The following EML6 variants were observed in gnomAD, a reference collection of about 807,000 sequenced individuals.
EML6 encodes the protein EMAP like 6.
EML6 carries 154 observed loss-of-function variants against 240.1 expected under a neutral mutation model. The ratio of observed to expected loss-of-function variants is 0.64; its 90% CI spans 0.56 to 0.73. The LOEUF (loss-of-function observed/expected upper bound fraction) is 0.73, where lower values mean the gene tolerates loss of function less well. Ranked by LOEUF, EML6 falls within the 30% of genes least tolerant of loss-of-function variation. EML6 has a pLI of 0.00. For missense variants in EML6, 2,964 were observed against 2,474.6 expected (o/e 1.20, Z -4.20); for synonymous variants, 1,148 against 899.0 (o/e 1.28, Z -4.95).
At chr2:54,959,750 G>A (rs1025848768) in intron 34 of EML6, among the ~76,000 whole-genome samples, 1 of 152,106 alleles carries the variant, frequency 6.6e-6, no homozygotes, top group Non-Finnish European at 1.5e-5. Context: ...CGACAAGAGT[G>A]AAACTCCATC....
intron 4 of EML6, among the ~76,000 whole-genome samples, chr2:54,818,017 C>T (rs147933069): frequency 6.4e-4 from 60 of 93,742 alleles, no homozygotes; most frequent in African/African-American, 1.6e-3. Context: ...GGGGAGACTT[C>T]ACGGCATATA....
In EML6 at chr2:54,813,342, A is replaced by T. The variant is rs565864678; in HGVS notation, c.308A>T (p.Asp103Val). The T allele has an allele frequency of 1.3e-6, 2 of 1,551,738 alleles. No individual in the cohort carries two copies. The highest frequency in any genetic ancestry group is 4.9e-5 in the East Asian group (2 of 40,920). ...GTCCAGACTGTGTCTCTTCTTAAAG[A>T]TGTCCATACACATGGAGTTGCCTGC... ...YNVQTVSLLK[D>V]VHTHGVACLA... The change falls in exon 3 of 42, where the codon GAT becomes GTT. Residue 103 changes from aspartate to valine, a missense_variant. By Grantham distance (152) the Asp-to-Val change is radical. Transcript: ENST00000356458.
chr2:54,789,281 A>G (rs1669263830), intron 2 of EML6, among the ~76,000 whole-genome samples: 1 of 152,094 alleles, frequency 6.6e-6, no homozygotes, highest in Admixed American at 6.6e-5. Context: ...TGGGAGGCCA[A>G]GGCGGGCGGA....
Position 54,829,489 on chromosome 2 carries a change from G to A in EML6, c.847+12G>A. 4.5e-6 allele frequency: 7 copies of A among 1,544,808 alleles called. No homozygotes were observed. The highest frequency in any genetic ancestry group is 6.1e-6 in the Non-Finnish European group (7 of 1,141,460). ...ACAAGGATACAAAGGTAATATATGT[G>A]TTAAGCTTACCTGTAACTCTGGATG... On this transcript the variant is annotated intron_variant, in intron 7 of 41. Coordinates refer to ENST00000356458, the MANE Select transcript of EML6 (RefSeq NM_001039753.4).
chr2:54,876,392 A>G (rs1330640067), intron 16 of EML6, among the ~76,000 whole-genome samples: 3 of 152,178 alleles, frequency 2.0e-5, no homozygotes, highest in African/African-American at 4.8e-5. Context: ...TGCTGCTTCC[A>G]TTGCTACCCA....
At position 54,960,320 on chromosome 2, in the gene EML6, G is replaced by A. The variant is rs1195694048; in HGVS notation, c.4954G>A (p.Val1652Met). ...TGQLVECVRS[V>M]CRGKGKILVG... ...GCAGCTGGTGGAGTGTGTGCGCTCC[G>A]TGTGCCGTGGAAAAGTGAGCACAGC... Residue 1652 changes from valine (V) to methionine (M), a missense_variant, in exon 35 of 42, where the codon GTG (valine) becomes ATG (methionine). Val to Met is a conservative substitution (Grantham distance 21, BLOSUM62 1). Coordinates refer to ENST00000356458, the MANE Select transcript of EML6 (RefSeq NM_001039753.4). 21 of 1,549,672 alleles carry A rather than the reference G, an allele frequency of 1.4e-5. No individual in the cohort carries two copies. Among genetic ancestry groups the A allele is most frequent in the East Asian group, 2.4e-5 (1 of 40,918 alleles).
chr2:54,859,812 A>T (rs1482836223), intron 12 of EML6, 111 bp downstream of exon 12: 3 of 822,454 alleles, frequency 3.6e-6, no homozygotes, highest in African/African-American at 3.6e-5. Context: ...TGGAAAATTG[A>T]TTCCTGTAAT....
intron 39 of EML6, 73 bp from the exon 40 acceptor site, chr2:54,968,055 G>C: frequency 7.2e-7 from 1 of 1,396,494 alleles, no homozygotes. Context: ...TTATCCCTGG[G>C]AGGTGATGAC....
intron 16 of EML6, among the ~76,000 whole-genome samples, chr2:54,873,561 T>TAA (rs1671363340): frequency 6.6e-6 from 1 of 151,778 alleles, no homozygotes; most frequent in Non-Finnish European, 1.5e-5. Flanking sequence ...TTAGTTCAAA[T>TAA]ACGATTGTAT....
chr2:54,837,331 T>C (rs1285276261), intron 7 of EML6, among the ~76,000 whole-genome samples: 1 of 152,202 alleles, frequency 6.6e-6, no homozygotes, highest in African/African-American at 2.4e-5. Context: ...GCTCTGTGAC[T>C]TGAGGCAAGT....
intron 9 of EML6, among the ~76,000 whole-genome samples, chr2:54,848,810 A>G (rs570056190): frequency 6.6e-6 from 1 of 152,290 alleles, no homozygotes; most frequent in East Asian, 1.9e-4. Flanking sequence ...ATCTGGTCAG[A>G]AACAAAACAA....
chr2:54,949,758 C>T (rs1413644095), intron 29 of EML6, among the ~76,000 whole-genome samples: 1 of 152,228 alleles, frequency 6.6e-6, no homozygotes, highest in East Asian at 1.9e-4. Flanking sequence ...TCTAAGCTTA[C>T]CGCCTATGAT....
At chr2:54,849,439 G>C (rs963380983) in intron 9 of EML6, among the ~76,000 whole-genome samples, 1 of 152,176 alleles carries the variant, frequency 6.6e-6, no homozygotes, top group South Asian at 2.1e-4. Flanking sequence ...TAAATTTTTT[G>C]TTTTTACTTT....
rs912236058 is a variant in EML6, at chr2:54,725,846, C to G, written c.197+588C>G. ...TTTATACACTAAATGGATGCTTCCACAGCATCATTGAGGTTATTAAAGGCT... is the reference window on the plus strand; with the variant it reads ...TTTATACACTAAATGGATGCTTCCAGAGCATCATTGAGGTTATTAAAGGCT... On this transcript the variant is annotated intron_variant, in intron 2 of 41. Transcript: ENST00000356458. The surrounding 1 kb of genome is among the most constrained non-coding windows in gnomAD (Gnocchi z 4.3). Among the ~76,000 whole-genome samples, 2 of 152,190 alleles carry G rather than the reference C, an allele frequency of 1.3e-5. No individual in the cohort carries two copies.
At chr2:54,955,559 T>C (rs1271546462) in intron 32 of EML6, among the ~76,000 whole-genome samples, 1 of 152,220 alleles carries the variant, frequency 6.6e-6, no homozygotes, top group Non-Finnish European at 1.5e-5. Flanking sequence ...TCCTAGATCC[T>C]TGGAAGAAAG....
intron 5 of EML6, among the ~76,000 whole-genome samples, chr2:54,822,887 G>A (rs1668396024): frequency 6.6e-6 from 1 of 152,136 alleles, no homozygotes; most frequent in South Asian, 2.1e-4. Flanking sequence ...ACTCAAAAGT[G>A]TAACATATTC....
intron 7 of EML6, among the ~76,000 whole-genome samples, chr2:54,837,599 C>T (rs548485363): frequency 3.3e-5 from 5 of 152,284 alleles, no homozygotes; most frequent in African/African-American, 7.2e-5. Context: ...TTGGGCTTTC[C>T]GATCCAGTGG....
At chr2:54,793,136 G>A (rs1014392420) in intron 2 of EML6, among the ~76,000 whole-genome samples, 1 of 151,992 alleles carries the variant, frequency 6.6e-6, no homozygotes, top group Admixed American at 6.6e-5. Flanking sequence ...GTGTAGTGGT[G>A]CATGCCTGTA....
intron 16 of EML6, among the ~76,000 whole-genome samples, chr2:54,876,206 C>A (rs1671499633): frequency 6.6e-6 from 1 of 152,072 alleles, no homozygotes; most frequent in Admixed American, 6.5e-5. Flanking sequence ...AGTAGATTTC[C>A]AAAGCTAAGA....
Sources: gnomAD v4.1 joint callset for allele counts (sites outside exome capture counted in the v4.1 genomes callset) on GRCh38, gnomAD v4.1.1 for gene constraint, Gnocchi (gnomAD v3.1) non-coding constraint, MANE v1.5 for transcripts, NCBI Gene and HGNC (gene_info 2026-07-23, HGNC 2026-07-21) for gene names.